Variants in ADIPOQ observed in about 807,000 individuals in gnomAD.
The protein encoded by ADIPOQ is adiponectin.
In ADIPOQ, 19 loss-of-function variants were observed where a neutral mutation model predicts 16.1. The ratio of observed to expected loss-of-function variants is 1.18; its 90% confidence interval spans 0.82 to 1.73. The LOEUF is 1.73. ADIPOQ is among the 40% of genes most tolerant of loss of function. The pLI is 0.00. For synonymous variants in ADIPOQ, 124 were observed against 125.5 expected (o/e 0.99, Z 0.08); for missense variants, 323 against 308.3 (o/e 1.05, Z -0.36).
chr3:186,850,060 G>A (rs2108489716), intron 1 of ADIPOQ, among the ~76,000 whole-genome samples: 1 of 152,278 alleles, frequency 6.6e-6, no homozygotes, highest in East Asian at 1.9e-4. Context: ...CCTGAGGTCA[G>A]GAGTTTGAGA....
chr3:186,851,064 G>C (rs566160695), intron 1 of ADIPOQ, among the ~76,000 whole-genome samples: 53 of 152,078 alleles, frequency 3.5e-4, no homozygotes, highest in Non-Finnish European at 6.3e-4. Flanking sequence ...CATGTTTTTG[G>C]GGTGAGATTG....
intron 1 of ADIPOQ, among the ~76,000 whole-genome samples, chr3:186,844,262 C>A (rs2108487279): frequency 6.6e-6 from 1 of 152,176 alleles, no homozygotes; most frequent in South Asian, 2.1e-4. Flanking sequence ...ATTCTCCTGC[C>A]TCAGTCTCCC....
Position 186,853,502 on chromosome 3 carries a change from C to T in ADIPOQ, c.214+230C>T, listed in dbSNP as rs145335235. Among the ~76,000 whole-genome samples the T allele has an allele frequency of 2.9e-4, 44 of 152,324 alleles. No homozygotes were observed. The East Asian group carries it at 8.5e-3, about 29-fold the overall frequency. On this transcript the variant is annotated intron_variant, in intron 2 of 2. Coordinates refer to ENST00000320741, the MANE Select transcript of ADIPOQ (RefSeq NM_004797.4). Reference sequence around the variant, plus strand: ...GCATCTGCAGCTCCTTTTCCATCCCCTTTCCCATCTTCACCCTCATCCCTA... The same window carrying T: ...GCATCTGCAGCTCCTTTTCCATCCCTTTTCCCATCTTCACCCTCATCCCTA...
Position 186,855,127 on chromosome 3 carries a change from A to G in ADIPOQ, c.*423A>G, listed in dbSNP as rs1337653503. The G allele has an allele frequency of 8.0e-6, 2 of 249,190 alleles. No homozygotes were observed. Among genetic ancestry groups the G allele is most frequent in the Non-Finnish European group, 1.6e-5 (2 of 127,350 alleles). The allele number at this position is 249,190 out of a possible 1,614,324, so 15.4% of individuals were successfully genotyped here. A position where few individuals can be genotyped will look rare whatever the true frequency, so the allele number is the denominator to read the frequency against. Reference sequence around the variant, plus strand: ...AAACCCAGAGCTGTGGACTTTGTTCACTAGACTGTGCCCTTTTATAGAGGT... The same window carrying G: ...AAACCCAGAGCTGTGGACTTTGTTCGCTAGACTGTGCCCTTTTATAGAGGT... On this transcript the variant is annotated 3_prime_UTR_variant, in exon 3 of 3. Coordinates refer to ENST00000320741, the MANE Select transcript of ADIPOQ (RefSeq NM_004797.4).
intron 1 of ADIPOQ, among the ~76,000 whole-genome samples, chr3:186,847,891 G>T (rs1190553803): frequency 1.3e-5 from 2 of 152,138 alleles, no homozygotes; most frequent in African/African-American, 2.4e-5. Context: ...AGTGTAACAG[G>T]CCGGGCGCAG....
Position 186,856,784 on chromosome 3 carries a change from AG to A in ADIPOQ, c.*2081del, listed in dbSNP as rs1345921592. ...GGTGAGAGTAAGCCTTGTGTTAGTC[AG>A]AACTCTGTGTTGTGAATGTCATTCA... On this transcript the variant is annotated 3_prime_UTR_variant, in exon 3 of 3. Transcript: ENST00000320741. The A allele has an allele frequency of 2.0e-5, 3 of 152,208 alleles. No individual in the cohort carries two copies. Among genetic ancestry groups the A allele is most frequent in the African/African-American group, 7.2e-5 (3 of 41,444 alleles). The allele number at this position is 152,208 out of a possible 1,614,324, so 9.4% of individuals were successfully genotyped here.
At position 186,854,625 on chromosome 3, in the gene ADIPOQ, G is replaced by A; in HGVS notation, c.656G>A (p.Gly219Glu). The A allele has an allele frequency of 3.1e-6, 5 of 1,614,168 alleles. No homozygotes were observed. Among genetic ancestry groups the A allele is most frequent in the Non-Finnish European group, 3.4e-6 (4 of 1,180,030 alleles). ...GTCTGGCTCCAGGTGTATGGGGAAG[G>A]AGAGCGTAATGGACTCTATGCTGAT... ...DQVWLQVYGE[G>E]ERNGLYADND... Residue 219 changes from glycine (G) to glutamate (E), a missense_variant, in exon 3 of 3, where the codon GGA (glycine) becomes GAA (glutamate). Transcript: ENST00000320741.
At chr3:186,852,642 A>T in intron 1 of ADIPOQ, 1 of 201,030 alleles carries the variant, frequency 5.0e-6, no homozygotes, top group Non-Finnish European at 1.0e-5. Context: ...AAGGAGCCAG[A>T]GGAGAGAAGC....
In ADIPOQ at chr3:186,853,247, T is replaced by C. The variant is rs1312577946; in HGVS notation, c.189T>C (p.Gly63=). The C allele has an allele frequency of 1.2e-6, 2 of 1,608,126 alleles. No individual in the cohort carries two copies. The highest frequency in any genetic ancestry group is 2.2e-5 in the East Asian group (1 of 44,732). The change falls in exon 2 of 3, where the codon GGT becomes GGC. Residue 63 remains glycine (G), a synonymous_variant. Coordinates refer to ENST00000320741, the MANE Select transcript of ADIPOQ (RefSeq NM_004797.4). ...PGRDGRDGTP[G]EKGEKGDPGL... ...GTGATGGCAGAGATGGCACCCCTGG[T>C]GAGAAGGGTGAGAAAGGAGATCCAG...
At chr3:186,849,961 A>T (rs1579206276) in intron 1 of ADIPOQ, among the ~76,000 whole-genome samples, 2 of 152,314 alleles carry the variant, frequency 1.3e-5, no homozygotes, top group South Asian at 4.1e-4. Context: ...AGCATGAATA[A>T]GAACTGTTTA....
rs572476482 is a variant in ADIPOQ at position 186,849,827 on chromosome 3, A to G, written c.-8-3224A>G. Among the ~76,000 whole-genome samples the G allele has an allele frequency of 7.2e-5, 11 of 152,382 alleles. No homozygotes were observed. In the East Asian group the frequency reaches 1.3e-3, roughly 19 times the overall value. On this transcript the variant is annotated intron_variant, in intron 1 of 2. Transcript: ENST00000320741. ...GCTAGTCTTCAAGTGGGGAGAAATC[A>G]TTTGAGTACCTTAGGTCACAGCTTA...
chr3:186,852,588 A>G, intron 1 of ADIPOQ: 3 of 178,494 alleles, frequency 1.7e-5, no homozygotes, highest in Middle Eastern at 2.7e-3. Flanking sequence ...AGAAGGAGGA[A>G]TAGACACAGA....
rs1712031137 is a variant in ADIPOQ at position 186,857,025 on chromosome 3, A to G, written c.*2321A>G. On this transcript the variant is annotated 3_prime_UTR_variant, in exon 3 of 3. Transcript: ENST00000320741. The stretch of plus-strand genomic sequence containing the variant: ...GCTTTACCCTCAGGTGCTACACAGT[A>G]TAGTTCTAGGGTTTCCCTCCCGATA... 6.6e-6 allele frequency: 1 copy of G among 152,186 alleles called. No individual in the cohort carries two copies. Among genetic ancestry groups the G allele is most frequent in the Non-Finnish European group, 1.5e-5 (1 of 68,042 alleles). The allele number at this position is 152,186 out of a possible 1,614,324, so 9.4% of individuals were successfully genotyped here.
chr3:186,857,097 C>T lies in ADIPOQ; in HGVS notation c.*2393C>T, dbSNP rs1235467828. The T allele has an allele frequency of 6.6e-6, 1 of 152,202 alleles. No individual in the cohort carries two copies. The highest frequency in any genetic ancestry group is 2.4e-5 in the African/African-American group (1 of 41,436). The allele number at this position is 152,202 out of a possible 1,614,324, so 9.4% of individuals were successfully genotyped here. A position where few individuals can be genotyped will look rare whatever the true frequency, so the allele number is the denominator to read the frequency against. ...CAGCTCTCGTATCCCCAAGCCACAC[C>T]ATCTGGCTAAATGGACATCATGTTT... is the stretch of plus-strand genomic sequence containing the variant. On this transcript the variant is annotated 3_prime_UTR_variant, in exon 3 of 3. Coordinates refer to ENST00000320741, the MANE Select transcript of ADIPOQ (RefSeq NM_004797.4).
Position 186,854,218 on chromosome 3 carries a change from C to T in ADIPOQ, c.249C>T (p.Thr83=), listed in dbSNP as rs76533408. The T allele has an allele frequency of 3.1e-4, 505 of 1,613,376 alleles. 1 individual carries two copies. The highest frequency in any genetic ancestry group is 3.8e-4 in the Non-Finnish European group (443 of 1,179,540). Residue 83 remains threonine, a synonymous_variant, in exon 3 of 3, where the codon ACC becomes ACT. Transcript: ENST00000320741. ...GTCCTAAGGGAGACATCGGTGAAACCGGAGTACCCGGGGCTGAAGGTCCCC... is the reference window on the plus strand; with the variant it reads ...GTCCTAAGGGAGACATCGGTGAAACTGGAGTACCCGGGGCTGAAGGTCCCC... ...LIGPKGDIGE[T]GVPGAEGPRG...
In ADIPOQ at chr3:186,854,663, T is replaced by G; in HGVS notation, c.694T>G (p.Ser232Ala). The G allele has an allele frequency of 1.9e-6, 3 of 1,614,156 alleles. No homozygotes were observed. In the South Asian group the frequency reaches 3.3e-5, roughly 18 times the overall value. Reference protein sequence around the residue: ...NGLYADNDNDSTFTGFLLYHD... With the variant: ...NGLYADNDNDATFTGFLLYHD... ...ACTCTATGCTGATAATGACAATGAC[T>G]CCACCTTCACAGGCTTTCTTCTCTA... Residue 232 changes from serine to alanine, a missense_variant, in exon 3 of 3, where the codon TCC becomes GCC. Ser to Ala is a moderately conservative substitution (Grantham distance 99). Coordinates refer to ENST00000320741, the MANE Select transcript of ADIPOQ (RefSeq NM_004797.4).
intron 1 of ADIPOQ, among the ~76,000 whole-genome samples, chr3:186,845,822 G>T (rs771328625): frequency 1.3e-5 from 2 of 152,186 alleles, no homozygotes; most frequent in Non-Finnish European, 2.9e-5. Context: ...TTTTGAAAAT[G>T]CCTTATGAAA....
rs398106842 is a variant in ADIPOQ, at chr3:186,848,326, G to GAA, written c.-8-4725_-8-4724insAA. ...GGAAAGAAGGAAGGAAGGAAGGAAG[G>GAA]GTAACAAGCAAAGTGTAACAATGGC... On this transcript the variant is annotated intron_variant, in intron 1 of 2. Coordinates refer to ENST00000320741, the MANE Select transcript of ADIPOQ (RefSeq NM_004797.4). Among the ~76,000 whole-genome samples the GAA allele has an allele frequency of 1.1e-4, 16 of 149,890 alleles. 1 individual carries two copies. The South Asian group carries it at 3.4e-3, about 32-fold the overall frequency.
intron 1 of ADIPOQ, among the ~76,000 whole-genome samples, chr3:186,844,071 T>C (rs1200466385): frequency 1.3e-5 from 2 of 152,224 alleles, no homozygotes; most frequent in Non-Finnish European, 2.9e-5. Context: ...GGTCCCTTTA[T>C]GCTAGCAGAA....
Sources: gnomAD v4.1 joint callset for allele counts (sites outside exome capture counted in the v4.1 genomes callset) on GRCh38, gnomAD v4.1.1 for gene constraint, MANE v1.5 for transcripts, NCBI Gene and HGNC (gene_info 2026-07-23, HGNC 2026-07-21) for gene names.